The following GABRB1 variants were observed in gnomAD, a reference collection of about 807,000 sequenced individuals.
GABRB1 encodes the protein gamma-aminobutyric acid type A receptor subunit beta1, also known as gamma-aminobutyric acid receptor subunit beta-1.
GABRB1 carries 17 observed loss-of-function variants against 51.6 expected under a neutral mutation model. The observed-to-expected ratio is 0.33, with a 90% confidence interval of 0.23 to 0.49. The LOEUF (loss-of-function observed/expected upper bound fraction) is 0.49, where lower values mean the gene tolerates loss of function less well. Ranked by LOEUF, GABRB1 falls within the 20% of genes least tolerant of loss-of-function variation. GABRB1 has a pLI of 0.99. For missense variants in GABRB1, 410 were observed against 600.6 expected (o/e 0.68, Z 3.32); for synonymous variants, 247 against 218.9 (o/e 1.13, Z -1.14).
At chr4:47,421,143 C>T (rs1381251630) in intron 8 of GABRB1, among the ~76,000 whole-genome samples, 2 of 150,952 alleles carry the variant, frequency 1.3e-5, no homozygotes, top group Non-Finnish European at 3.0e-5. Flanking sequence ...TGGATAGTTG[C>T]AGAACTAGAT....
At chr4:47,383,016 T>C (rs909088318) in intron 5 of GABRB1, among the ~76,000 whole-genome samples, 1 of 152,166 alleles carries the variant, frequency 6.6e-6, no homozygotes, top group Non-Finnish European at 1.5e-5. Flanking sequence ...GTGACACCAA[T>C]CTAGCACTTG....
At chr4:47,292,152 G>A (rs1471374930) in intron 4 of GABRB1, among the ~76,000 whole-genome samples, 1 of 152,190 alleles carries the variant, frequency 6.6e-6, no homozygotes, top group African/African-American at 2.4e-5. Flanking sequence ...TCTTGTGGTA[G>A]TGAGTAAGCC....
chr4:47,183,345 C>CATATATATATAT (rs57840134), intron 4 of GABRB1, among the ~76,000 whole-genome samples: 43 of 124,422 alleles, frequency 3.5e-4, no homozygotes, highest in East Asian at 4.6e-4. Context: ...TGTGTGTGTG[C>CATATATATATAT]ATATATATAT....
At chr4:47,362,505 T>C (rs1471847882) in intron 5 of GABRB1, among the ~76,000 whole-genome samples, 1 of 152,158 alleles carries the variant, frequency 6.6e-6, no homozygotes, top group Non-Finnish European at 1.5e-5. Context: ...AATTCGAGCA[T>C]TTTCGAAGGT....
At chr4:47,253,344 G>A (rs958796107) in intron 4 of GABRB1, among the ~76,000 whole-genome samples, 5 of 152,170 alleles carry the variant, frequency 3.3e-5, no homozygotes, top group Admixed American at 2.0e-4. Flanking sequence ...AAGAAATATA[G>A]TTTTATGTAA....
intron 3 of GABRB1, among the ~76,000 whole-genome samples, chr4:47,140,093 A>AACACAC (rs67749563): frequency 7.5e-4 from 102 of 135,410 alleles, no homozygotes; most frequent in African/African-American, 2.4e-3. Context: ...AAATTAAATT[A>AACACAC]ACACACACAC....
intron 5 of GABRB1, among the ~76,000 whole-genome samples, chr4:47,394,039 G>A (rs1728097093): frequency 6.6e-6 from 1 of 152,196 alleles, no homozygotes; most frequent in Non-Finnish European, 1.5e-5. Context: ...AGAAAGATAA[G>A]AGACTGAATC....
intron 5 of GABRB1, among the ~76,000 whole-genome samples, chr4:47,395,058 G>C (rs1035657778): frequency 1.3e-5 from 2 of 152,118 alleles, no homozygotes; most frequent in Non-Finnish European, 2.9e-5. Flanking sequence ...GTACAGCATT[G>C]CAAGGCAAGG....
intron 4 of GABRB1, among the ~76,000 whole-genome samples, chr4:47,235,452 G>A (rs1183338545): frequency 5.3e-5 from 8 of 152,098 alleles, no homozygotes; most frequent in African/African-American, 1.7e-4. Context: ...AGGAGGGTGA[G>A]GCAGAAGAAT....
chr4:47,198,878 A>C (rs2109793803), intron 4 of GABRB1, among the ~76,000 whole-genome samples: 1 of 152,300 alleles, frequency 6.6e-6, no homozygotes, highest in Admixed American at 6.5e-5. Flanking sequence ...GGCAGATCTT[A>C]CATGGTGGCA....
intron 8 of GABRB1, among the ~76,000 whole-genome samples, chr4:47,414,005 C>T (rs764910669): frequency 3.3e-5 from 5 of 152,134 alleles, no homozygotes; most frequent in African/African-American, 7.2e-5. Flanking sequence ...CACTTTTATA[C>T]GCATCTGGAA....
At chr4:47,254,363 T>G (rs1223242381) in intron 4 of GABRB1, among the ~76,000 whole-genome samples, 7,421 of 17,088 alleles carry the variant, frequency 0.43, 1,894 homozygotes, top group South Asian at 0.67. Flanking sequence ...TTTTCTTTGT[T>G]TTTTTTTTTT....
chr4:47,317,726 G>A (rs1279888729), intron 4 of GABRB1, among the ~76,000 whole-genome samples: 1 of 151,806 alleles, frequency 6.6e-6, no homozygotes, highest in Non-Finnish European at 1.5e-5. Flanking sequence ...AAAGCCAAAG[G>A]AAAATTGGAA....
chr4:47,199,111 A>T (rs1330728158), intron 4 of GABRB1, among the ~76,000 whole-genome samples: 2 of 152,164 alleles, frequency 1.3e-5, no homozygotes, highest in Non-Finnish European at 2.9e-5. Context: ...AACGTGTTGG[A>T]GGCGGGGCCT....
chr4:47,389,606 G>T (rs1004234072), intron 5 of GABRB1, among the ~76,000 whole-genome samples: 1 of 152,166 alleles, frequency 6.6e-6, no homozygotes, highest in Non-Finnish European at 1.5e-5. Context: ...TAAAAATCTG[G>T]CTTCCATAGT....
intron 4 of GABRB1, among the ~76,000 whole-genome samples, chr4:47,194,241 A>C (rs1030304770): frequency 1.3e-5 from 2 of 152,202 alleles, no homozygotes; most frequent in African/African-American, 4.8e-5. Context: ...GGAATCAGAA[A>C]ACAGCCTGAG....
At chr4:47,151,053 G>A (rs529139313) in intron 3 of GABRB1, among the ~76,000 whole-genome samples, 2 of 151,952 alleles carry the variant, frequency 1.3e-5, no homozygotes, top group Non-Finnish European at 2.9e-5. Flanking sequence ...GGACTATCAA[G>A]AGACTATTAC....
At chr4:47,203,581 C>T (rs138614457) in intron 4 of GABRB1, among the ~76,000 whole-genome samples, 2 of 152,246 alleles carry the variant, frequency 1.3e-5, no homozygotes, top group African/African-American at 4.8e-5. Flanking sequence ...ATACCTCTTT[C>T]TGCTGTTACA....
At chr4:47,174,896 C>A (rs557648126) in intron 4 of GABRB1, among the ~76,000 whole-genome samples, 1 of 140,516 alleles carries the variant, frequency 7.1e-6, no homozygotes, top group Admixed American at 7.1e-5. Context: ...TTCTTTCCTT[C>A]CTTCCTTCCT....
Sources: gnomAD v4.1 joint callset for allele counts (sites outside exome capture counted in the v4.1 genomes callset) on GRCh38, gnomAD v4.1.1 for gene constraint, MANE v1.5 for transcripts, NCBI Gene and HGNC (gene_info 2026-07-23, HGNC 2026-07-21) for gene names.